The following MYOM2 variants were observed in gnomAD, a reference collection of about 807,000 sequenced individuals.
MYOM2 encodes myomesin-2.
Under a neutral mutation model 187.6 loss-of-function variants are expected in MYOM2, and 254 were observed. The ratio of observed to expected loss-of-function variants is 1.35; its 90% confidence interval spans 1.22 to 1.50. The LOEUF (loss-of-function observed/expected upper bound fraction) is 1.50. Ranked by LOEUF, MYOM2 falls within the 40% of genes most tolerant of loss-of-function variation. The pLI is 0.00. For synonymous variants in MYOM2, 981 were observed against 753.8 expected (o/e 1.30, Z -4.94); for missense variants, 2,796 against 1,924.0 (o/e 1.45, Z -8.48).
chr8:2,131,674 C>A (rs867792487), intron 32 of MYOM2, among the ~76,000 whole-genome samples: 5 of 141,374 alleles, frequency 3.5e-5, no homozygotes, highest in Non-Finnish European at 6.0e-5. Context: ...GACAGAATCT[C>A]ACTCTGTCAC....
intron 17 of MYOM2, among the ~76,000 whole-genome samples, chr8:2,094,647 G>A (rs1262837571): frequency 2.6e-5 from 4 of 152,106 alleles, no homozygotes; most frequent in South Asian, 2.1e-4. Context: ...GCAAGACTCC[G>A]TCTCAAAAAT....
At chr8:2,072,045 C>A (rs1480509198) in intron 8 of MYOM2, among the ~76,000 whole-genome samples, 4 of 152,208 alleles carry the variant, frequency 2.6e-5, no homozygotes, top group Non-Finnish European at 4.4e-5. Context: ...GGAGCACGGA[C>A]CTGGCTACGG....
chr8:2,092,255 C>T, intron 15 of MYOM2, 91 bp from the exon 16 acceptor site: 1 of 1,457,792 alleles, frequency 6.9e-7, no homozygotes, highest in Non-Finnish European at 9.4e-7. Flanking sequence ...GTCTGGCTGT[C>T]CAGTTCCCTG....
chr8:2,125,053 A>G (rs559494168), intron 31 of MYOM2, among the ~76,000 whole-genome samples: 4 of 151,902 alleles, frequency 2.6e-5, no homozygotes, highest in East Asian at 1.9e-4. Context: ...TCCTTTTGTC[A>G]ATTGTTTTCT....
At chr8:2,143,297 C>T in intron 35 of MYOM2, 104 bp from the exon 36 acceptor site, 1 of 1,290,862 alleles carries the variant, frequency 7.7e-7, no homozygotes, top group South Asian at 1.2e-5. Flanking sequence ...TGAGCATAAA[C>T]TCCTCACCAC....
chr8:2,125,049 T>G (rs1475651474), intron 31 of MYOM2, among the ~76,000 whole-genome samples: 1 of 152,196 alleles, frequency 6.6e-6, no homozygotes, highest in Non-Finnish European at 1.5e-5. Context: ...TTCTTCCTTT[T>G]GTCAATTGTT....
Position 2,086,370 on chromosome 8 carries a change from G to GATCTCTGGCACCCCACTGTCA in MYOM2, c.1644+980_1644+981insATCTCTGGCACCCCACTGTCA, listed in dbSNP as rs1796051444. 9.6e-4 allele frequency among the ~76,000 whole-genome samples: 24 copies of GATCTCTGGCACCCCACTGTCA among 24,990 alleles called. 7 individuals are homozygous for GATCTCTGGCACCCCACTGTCA. The highest frequency in any genetic ancestry group is 8.3e-3 in the East Asian group (2 of 242). 16.4% of individuals were successfully genotyped at this position (24,990 alleles called of 152,430 possible). A position where few individuals can be genotyped will look rare whatever the true frequency, so the allele number is the denominator to read the frequency against. On this transcript the variant is annotated intron_variant, in intron 14 of 36. Transcript: ENST00000262113. The stretch of plus-strand genomic sequence containing the variant: ...GATCTCTGCGTGGCCTCCCACTGTT[G>GATCTCTGGCACCCCACTGTCA]TGATCTCTGCGTGGCCTCCCACTGT...
intron 13 of MYOM2, among the ~76,000 whole-genome samples, chr8:2,083,342 G>A (rs889169470): frequency 5.3e-5 from 8 of 152,036 alleles, no homozygotes; most frequent in African/African-American, 1.9e-4. Flanking sequence ...TGTGCTTAGC[G>A]GTATCTTATG....
chr8:2,144,518 T>A, intron 36 of MYOM2, 146 bp from the exon 37 acceptor site: 2 of 786,996 alleles, frequency 2.5e-6, no homozygotes, highest in Non-Finnish European at 4.1e-6. Context: ...AGAGCGGCGC[T>A]CATGTACATA....
At chr8:2,057,535 C>G (rs770446668) in intron 4 of MYOM2, 49 bp downstream of exon 4, 1 of 1,613,174 alleles carries the variant, frequency 6.2e-7, no homozygotes. Context: ...TGGACTAGAT[C>G]TTAGCTTGTC....
chr8:2,085,209 G>C, intron 13 of MYOM2, 54 bp from the exon 14 acceptor site: 1 of 1,590,350 alleles, frequency 6.3e-7, no homozygotes, highest in Non-Finnish European at 8.6e-7. Flanking sequence ...GAGGTGGGCT[G>C]CAGCGAGGCT....
chr8:2,119,704 C>G (rs1430460017), intron 28 of MYOM2, among the ~76,000 whole-genome samples: 5 of 152,094 alleles, frequency 3.3e-5, no homozygotes, highest in African/African-American at 9.7e-5. Context: ...TGGAGACGCT[C>G]AATCCTATTT....
chr8:2,063,843 G>A (rs1404130667), intron 6 of MYOM2, among the ~76,000 whole-genome samples: 6 of 152,170 alleles, frequency 3.9e-5, no homozygotes, highest in Admixed American at 6.5e-5. Flanking sequence ...GCCAAAGGGC[G>A]CCATGGACGT....
intron 6 of MYOM2, among the ~76,000 whole-genome samples, chr8:2,061,231 G>T (rs563059415): frequency 2.0e-5 from 3 of 151,908 alleles, no homozygotes; most frequent in Non-Finnish European, 4.4e-5. Flanking sequence ...GTGAGGGAGG[G>T]CGTCTCTGTC....
intron 25 of MYOM2, among the ~76,000 whole-genome samples, chr8:2,113,940 G>T (rs1470470660): frequency 1.3e-5 from 2 of 152,204 alleles, no homozygotes; most frequent in South Asian, 2.1e-4. Flanking sequence ...TGCTCTCAGG[G>T]GCTCATTGTC....
Position 2,052,244 on chromosome 8 carries a change from G to C in MYOM2, c.194G>C (p.Gly65Ala). The part of the protein sequence containing the change: ...QRASSQTSLG[G>A]TICRVCAKRV... ...GCCTCCAGCCAGACGTCCCTGGGAGGAACCATCTGCAGGGTCTGTGCGAAG... is the reference window on the plus strand; with the variant it reads ...GCCTCCAGCCAGACGTCCCTGGGAGCAACCATCTGCAGGGTCTGTGCGAAG... Residue 65 changes from glycine (G) to alanine (A), a missense_variant, in exon 3 of 37, where the codon GGA becomes GCA. Coordinates refer to ENST00000262113, the MANE Select transcript of MYOM2 (RefSeq NM_003970.4). The C allele has an allele frequency of 6.2e-7, 1 of 1,613,298 alleles. No individual in the cohort carries two copies.
chr8:2,111,584 G>C (rs1477820543), intron 25 of MYOM2, among the ~76,000 whole-genome samples: 2 of 152,168 alleles, frequency 1.3e-5, no homozygotes, highest in East Asian at 3.9e-4. Flanking sequence ...GTTTACTCTT[G>C]ATATTCGGAA....
chr8:2,144,615 C>G (rs772663127), intron 36 of MYOM2, 49 bp from the exon 37 acceptor site: 3 of 1,593,956 alleles, frequency 1.9e-6, no homozygotes, highest in Non-Finnish European at 2.6e-6. Context: ...GGTGACATGA[C>G]TTTCCTTTTT....
intron 16 of MYOM2, 99 bp downstream of exon 16, chr8:2,092,619 G>A (rs77656666): frequency 0.04 from 51,650 of 1,302,392 alleles, 1,306 homozygotes; most frequent in East Asian, 0.11. Flanking sequence ...TGGCCGCAAG[G>A]CTTCTGCGTA....
Sources: gnomAD v4.1 joint callset for allele counts (sites outside exome capture counted in the v4.1 genomes callset) on GRCh38, gnomAD v4.1.1 for gene constraint, MANE v1.5 for transcripts, NCBI Gene and HGNC (gene_info 2026-07-23, HGNC 2026-07-21) for gene names.